The following FAM193A variants were observed in gnomAD, a reference collection of about 807,000 sequenced individuals.
FAM193A encodes protein FAM193A.
A neutral mutation model predicts 126.5 loss-of-function variants in FAM193A; 22 were observed. That is an observed-to-expected ratio of 0.17 (90% confidence interval 0.12 to 0.25). The LOEUF (loss-of-function observed/expected upper bound fraction) is 0.25, where lower values mean the gene tolerates loss of function less well. FAM193A is among the 10% of genes least tolerant of loss of function. The probability of loss-of-function intolerance (pLI) is 1.00; values close to 1 mark genes in which losing one functional copy is unlikely to be tolerated. For synonymous variants in FAM193A, 761 were observed against 646.8 expected (o/e 1.18, Z -2.68); for missense variants, 1,675 against 1,672.8 (o/e 1.00, Z -0.02).
At chr4:2,657,527 C>T (rs1259822613) in intron 7 of FAM193A, among the ~76,000 whole-genome samples, 1 of 152,162 alleles carries the variant, frequency 6.6e-6, no homozygotes, top group Non-Finnish European at 1.5e-5. Flanking sequence ...AATGTTCATC[C>T]ACTGTATTGA....
Position 2,562,831 on chromosome 4 carries a change from T to G in FAM193A, c.255+25661T>G, listed in dbSNP as rs1055427386. Among the ~76,000 whole-genome samples, 8 of 151,790 alleles carry G rather than the reference T, an allele frequency of 5.3e-5. No homozygotes were observed. In the South Asian group the frequency reaches 1.7e-3, roughly 32 times the overall value. On this transcript the variant is annotated intron_variant, in intron 1 of 20. Coordinates refer to ENST00000637812, the MANE Select transcript of FAM193A (RefSeq NM_001366318.2). ...TTTTAGTAGAGACAGGGTTTCACCT[T>G]GTTGGCCAGGATGGTCTGGAACTCC... is the stretch of plus-strand genomic sequence containing the variant.
In FAM193A at chr4:2,731,781, C is replaced by T; in HGVS notation, c.4461C>T (p.Cys1487=). ...EREVEYFKRF[C]LDSARQTRQR... Reference sequence around the variant, plus strand: ...TGGCTTTTTGTCTTTGCAGGTTCTGCTTGGATTCTGCTAGACAGACCCGAC... The same window carrying T: ...TGGCTTTTTGTCTTTGCAGGTTCTGTTTGGATTCTGCTAGACAGACCCGAC... The change falls in exon 21 of 21, where the codon TGC becomes TGT. Residue 1487 remains cysteine (C), a synonymous_variant. Coordinates refer to ENST00000637812, the MANE Select transcript of FAM193A (RefSeq NM_001366318.2). 6.2e-7 allele frequency: 1 copy of T among 1,613,692 alleles called. No individual in the cohort carries two copies.
intron 13 of FAM193A, among the ~76,000 whole-genome samples, chr4:2,684,898 G>A (rs932308921): frequency 3.3e-5 from 5 of 152,230 alleles, no homozygotes; most frequent in African/African-American, 4.8e-5. Context: ...GGGGAAGAAC[G>A]GCCTTCAAGA....
At chr4:2,607,722 C>T (rs1055241011) in intron 2 of FAM193A, 1 of 338,136 alleles carries the variant, frequency 3.0e-6, no homozygotes, top group Non-Finnish European at 5.3e-6. Context: ...CATGGCCTTA[C>T]CCTCGCTGCG....
intron 1 of FAM193A, among the ~76,000 whole-genome samples, chr4:2,579,266 G>T (rs892552733): frequency 6.6e-6 from 1 of 151,386 alleles, no homozygotes; most frequent in Non-Finnish European, 1.5e-5. Context: ...AGGCCGAGGA[G>T]GGTGGATCAC....
In FAM193A at chr4:2,712,451, G is replaced by A. The variant is rs571604674; in HGVS notation, c.4373-3572G>A. ...GTTGAGAAGCGGCCACCTTCTGGTC[G>A]TGCTTTGTGCCTGCGGCCTAAGTCC... On this transcript the variant is annotated intron_variant, in intron 19 of 20. Transcript: ENST00000637812. 4.9e-4 allele frequency among the ~76,000 whole-genome samples: 74 copies of A among 152,196 alleles called. No homozygotes were observed. In the South Asian group the frequency reaches 0.011, roughly 23 times the overall value.
At chr4:2,637,996 C>G (rs932050894) in intron 5 of FAM193A, among the ~76,000 whole-genome samples, 1 of 152,214 alleles carries the variant, frequency 6.6e-6, no homozygotes, top group Non-Finnish European at 1.5e-5. Flanking sequence ...CATAAATTAG[C>G]CTTCACCCAG....
At chr4:2,605,646 A>G (rs1741489791) in intron 2 of FAM193A, among the ~76,000 whole-genome samples, 1 of 152,014 alleles carries the variant, frequency 6.6e-6, no homozygotes, top group Non-Finnish European at 1.5e-5. Flanking sequence ...GCATGTTTTT[A>G]AATGAAAACT....
At chr4:2,659,512 C>A in intron 8 of FAM193A, 46 bp from the exon 9 acceptor site, 1 of 1,308,526 alleles carries the variant, frequency 7.6e-7, no homozygotes, top group South Asian at 1.2e-5. Context: ...AGCCATGTCT[C>A]GGGGAAGGGT....
In FAM193A at chr4:2,700,124, C is replaced by A. The variant is rs1466445750; in HGVS notation, c.3952C>A (p.His1318Asn). Reference sequence around the variant, plus strand: ...CCCCAAGGAGGTGAATGGGAAGCAGCATGAGCCACTCTCTTTTTTCTTCGA... The same window carrying A: ...CCCCAAGGAGGTGAATGGGAAGCAGAATGAGCCACTCTCTTTTTTCTTCGA... ...LLPKEVNGKQ[H>N]EPLSFFFDIM... The change falls in exon 19 of 21, where the codon CAT becomes AAT. Residue 1318 changes from histidine to asparagine, a missense_variant. Around this residue, in one of 4 missense-constraint regions of FAM193A, gnomAD observed 415 missense variants for 396.7 expected, o/e 1.05. Transcript: ENST00000637812. 1 of 1,613,722 alleles carries A rather than the reference C, an allele frequency of 6.2e-7. No homozygotes were observed.
intron 20 of FAM193A, chr4:2,720,082 C>A (rs1456507199): frequency 6.3e-6 from 1 of 158,376 alleles, no homozygotes; most frequent in South Asian, 1.6e-4. Flanking sequence ...GGTGTGAGCC[C>A]CCGCACCCAG....
intron 1 of FAM193A, among the ~76,000 whole-genome samples, chr4:2,566,571 C>T (rs890526910): frequency 1.7e-4 from 26 of 151,852 alleles, no homozygotes; most frequent in African/African-American, 6.3e-4. Context: ...GCCTGTAGTC[C>T]CCAGCTACTC....
At chr4:2,664,705 A>G (rs1577164803) in intron 12 of FAM193A, among the ~76,000 whole-genome samples, 1 of 151,518 alleles carries the variant, frequency 6.6e-6, no homozygotes, top group African/African-American at 2.4e-5. Flanking sequence ...CTGGGACTAC[A>G]GGTGCACGCC....
chr4:2,641,413 CT>C (rs1744610650), intron 6 of FAM193A, among the ~76,000 whole-genome samples: 1 of 151,998 alleles, frequency 6.6e-6, no homozygotes, highest in Non-Finnish European at 1.5e-5. Context: ...AATCCCAGCA[CT>C]TTGGGAGGCC....
At chr4:2,577,427 T>TG (rs1187624136) in intron 1 of FAM193A, among the ~76,000 whole-genome samples, 8 of 146,698 alleles carry the variant, frequency 5.5e-5, no homozygotes, top group African/African-American at 2.0e-4. Flanking sequence ...TTTTTGTTTT[T>TG]TTTTTTTTTG....
chr4:2,680,997 T>C (rs969234862), intron 13 of FAM193A, among the ~76,000 whole-genome samples: 1 of 152,126 alleles, frequency 6.6e-6, no homozygotes, highest in Non-Finnish European at 1.5e-5. Flanking sequence ...TTAATTTAAT[T>C]TTCTGCTTTT....
Position 2,556,316 on chromosome 4 carries a change from C to T in FAM193A, c.255+19146C>T, listed in dbSNP as rs533683454. 6.6e-5 allele frequency among the ~76,000 whole-genome samples: 10 copies of T among 152,284 alleles called. No homozygotes were observed. In the South Asian group the frequency reaches 1.7e-3, roughly 25 times the overall value. ...CACCTCCCGGGTTCAAGCAATTCCC[C>T]TGCCTCAGCCTTCCGAGTAGCTGGG... is the stretch of plus-strand genomic sequence containing the variant. On this transcript the variant is annotated intron_variant, in intron 1 of 20. Transcript: ENST00000637812.
chr4:2,699,204 C>T (rs1241869218), intron 18 of FAM193A, among the ~76,000 whole-genome samples: 1 of 152,124 alleles, frequency 6.6e-6, no homozygotes. Flanking sequence ...CATTAGCCTT[C>T]GCCTGGAAAG....
At chr4:2,575,088 A>G (rs1282219025) in intron 1 of FAM193A, among the ~76,000 whole-genome samples, 1 of 152,166 alleles carries the variant, frequency 6.6e-6, no homozygotes, top group Non-Finnish European at 1.5e-5. Flanking sequence ...TAGGCCTTCC[A>G]CCAAGAGACA....
Sources: gnomAD v4.1 joint callset for allele counts (sites outside exome capture counted in the v4.1 genomes callset) on GRCh38, gnomAD v4.1.1 for gene constraint, gnomAD v4.1.1 regional missense constraint, MANE v1.5 for transcripts, NCBI Gene and HGNC (gene_info 2026-07-23, HGNC 2026-07-21) for gene names.